Variants in DEUP1 observed in about 807,000 individuals in gnomAD.
DEUP1 encodes the protein deuterosome assembly protein 1, also known as coiled-coil domain containing 67.
DEUP1 carries 82 observed loss-of-function variants against 87.4 expected under a neutral mutation model. The ratio of observed to expected loss-of-function variants is 0.94; its 90% confidence interval spans 0.78 to 1.13. DEUP1 has a LOEUF of 1.13. DEUP1 is among the 50% of genes most tolerant of loss of function. The pLI, the probability that DEUP1 is intolerant of heterozygous loss-of-function variation, is 0.00. For missense variants in DEUP1, 663 were observed against 681.5 expected (o/e 0.97, Z 0.30); for synonymous variants, 214 against 222.7 (o/e 0.96, Z 0.35).
chr11:93,347,203 C>T (rs1176929908), intron 2 of DEUP1, among the ~76,000 whole-genome samples: 1 of 152,094 alleles, frequency 6.6e-6, no homozygotes. Flanking sequence ...TTCCTTGGAA[C>T]CTAGTTTATT....
At position 93,408,140 on chromosome 11, in the gene DEUP1, G is replaced by A. The variant is rs1947335411; in HGVS notation, c.1327-91G>A. ...CCACATCACTTGGCTCAAATGAAAG[G>A]GCCTTTCCAGCACAAGTCTCCAAAC... On this transcript the variant is annotated intron_variant, in intron 11 of 13. Coordinates refer to ENST00000298050, the MANE Select transcript of DEUP1 (RefSeq NM_181645.4). The A allele has an allele frequency of 6.6e-6, 6 of 911,732 alleles. No homozygotes were observed. In the East Asian group the frequency reaches 1.4e-4, roughly 22 times the overall value. The allele number at this position is 911,732 out of a possible 1,614,324, so 56.5% of individuals were successfully genotyped here.
At chr11:93,373,580 T>TACATATATATATATACGTATATATATAC (rs1565316047) in intron 7 of DEUP1, among the ~76,000 whole-genome samples, 1 of 145,192 alleles carries the variant, frequency 6.9e-6, no homozygotes, top group African/African-American at 2.5e-5. Flanking sequence ...CATATATATA[T>TACATATATATATATACGTATATATATAC]ACATATATAT....
intron 2 of DEUP1, among the ~76,000 whole-genome samples, chr11:93,342,609 C>CA (rs1944137981): frequency 6.6e-6 from 1 of 152,156 alleles, no homozygotes; most frequent in African/African-American, 2.4e-5. Context: ...GATTTTGTTA[C>CA]ATGTCCATGC....
At chr11:93,391,600 C>T (rs577978769) in intron 9 of DEUP1, among the ~76,000 whole-genome samples, 30 of 148,934 alleles carry the variant, frequency 2.0e-4, no homozygotes, top group African/African-American at 6.7e-4. Flanking sequence ...CCCAGCTACT[C>T]GGGAGGCTGA....
intron 11 of DEUP1, among the ~76,000 whole-genome samples, chr11:93,407,178 T>C (rs1239028857): frequency 6.6e-6 from 1 of 150,940 alleles, no homozygotes; most frequent in African/African-American, 2.4e-5. Flanking sequence ...GATTTATGTA[T>C]AAGGAAATCA....
chr11:93,362,934 A>T (rs1213245565), intron 4 of DEUP1, among the ~76,000 whole-genome samples: 1 of 151,880 alleles, frequency 6.6e-6, no homozygotes, highest in Non-Finnish European at 1.5e-5. Flanking sequence ...GGCTACTTTA[A>T]TTAATCTGAT....
chr11:93,391,790 C>G (rs977523557), intron 9 of DEUP1, among the ~76,000 whole-genome samples: 1 of 151,082 alleles, frequency 6.6e-6, no homozygotes, highest in South Asian at 2.1e-4. Flanking sequence ...AAAATCCATA[C>G]TGGGACAAAC....
rs370221544 is a variant in DEUP1, at chr11:93,378,628, T to G, written c.790-6770T>G. Reference sequence around the variant, plus strand: ...CCATTGCTGGCGAGCTAGTGTGATCTTTCAGGGTTGCTGAAGAACCTTGTT... The same window carrying G: ...CCATTGCTGGCGAGCTAGTGTGATCGTTCAGGGTTGCTGAAGAACCTTGTT... On this transcript the variant is annotated intron_variant, in intron 7 of 13. Coordinates refer to ENST00000298050, the MANE Select transcript of DEUP1 (RefSeq NM_181645.4). Among the ~76,000 whole-genome samples, 9 of 152,294 alleles carry G rather than the reference T, an allele frequency of 5.9e-5. No homozygotes were observed. In the East Asian group the frequency reaches 1.7e-3, roughly 29 times the overall value.
In DEUP1 at chr11:93,339,306, G is replaced by A. The variant is rs138581374; in HGVS notation, c.29+7018G>A. ...CGTGGAGTAACTATACCTATAATCT[G>A]TACAAATGCTAGAGTACAAGATGAG... On this transcript the variant is annotated intron_variant, in intron 2 of 13. Coordinates refer to ENST00000298050, the MANE Select transcript of DEUP1 (RefSeq NM_181645.4). Among the ~76,000 whole-genome samples, 47 of 152,268 alleles carry A rather than the reference G, an allele frequency of 3.1e-4. No individual in the cohort carries two copies. The East Asian group carries it at 3.1e-3, about 10-fold the overall frequency.
intron 7 of DEUP1, among the ~76,000 whole-genome samples, chr11:93,372,616 G>C (rs142459737): frequency 1.3e-5 from 2 of 152,232 alleles, no homozygotes; most frequent in East Asian, 3.9e-4. Context: ...CCCATGCTTG[G>C]TAAGGGACAG....
chr11:93,360,905 C>CAAAAAAAAAAAAAAAAAAAAAAAAAA (rs35572726), intron 4 of DEUP1, among the ~76,000 whole-genome samples: 1 of 82,410 alleles, frequency 1.2e-5, no homozygotes, highest in Non-Finnish European at 2.5e-5. Context: ...CAAAACTTAG[C>CAAAAAAAAAAAAAAAAAAAAAAAAAA]AAAAAAAAAA....
intron 12 of DEUP1, among the ~76,000 whole-genome samples, chr11:93,409,187 A>G (rs1947365438): frequency 6.6e-6 from 1 of 152,206 alleles, no homozygotes; most frequent in Non-Finnish European, 1.5e-5. Context: ...ACATTCTAGC[A>G]GTGGCAACAA....
chr11:93,383,716 A>T (rs986463223), intron 7 of DEUP1: 1 of 525,966 alleles, frequency 1.9e-6, no homozygotes, highest in South Asian at 3.0e-5. Context: ...TGAACAAACA[A>T]TTTTTTAAAA....
intron 11 of DEUP1, among the ~76,000 whole-genome samples, chr11:93,401,164 A>G (rs984868960): frequency 6.6e-6 from 1 of 152,188 alleles, no homozygotes; most frequent in Non-Finnish European, 1.5e-5. Flanking sequence ...ATAATCTGAA[A>G]AAGAAATCAA....
At position 93,437,752 on chromosome 11, in the gene DEUP1, C is replaced by G. The variant is rs10676823; in HGVS notation, c.*33C>G. ...AACTTTTTTATTTGCTTCCCCCCCC[C>G]ACCCCCGCCAAGAAAAAAAGCTCTG... On this transcript the variant is annotated 3_prime_UTR_variant, in exon 14 of 14. Transcript: ENST00000298050. 51 of 1,052,812 alleles carry G rather than the reference C, an allele frequency of 4.8e-5. No homozygotes were observed. Among genetic ancestry groups the G allele is most frequent in the Admixed American group, 4.1e-4 (18 of 43,896 alleles). 65.2% of individuals were successfully genotyped at this position (1,052,812 alleles called of 1,614,324 possible). A position where few individuals can be genotyped will look rare whatever the true frequency, so the allele number is the denominator to read the frequency against.
chr11:93,363,303 G>A (rs1197718417), intron 4 of DEUP1, among the ~76,000 whole-genome samples: 1 of 151,820 alleles, frequency 6.6e-6, no homozygotes, highest in Non-Finnish European at 1.5e-5. Context: ...CTAGATTGTG[G>A]TTGTGGTCAG....
intron 11 of DEUP1, among the ~76,000 whole-genome samples, chr11:93,398,718 CA>C (rs1947016576): frequency 6.9e-6 from 1 of 145,652 alleles, no homozygotes; most frequent in African/African-American, 2.5e-5. Context: ...TTTTTCATGT[CA>C]AATTTTTTTT....
At chr11:93,383,486 G>C (rs1350424315) in intron 7 of DEUP1, 14 of 555,682 alleles carry the variant, frequency 2.5e-5, no homozygotes, top group Non-Finnish European at 4.5e-5. Context: ...GGGAGTGACT[G>C]TTAATGAGTA....
intron 11 of DEUP1, 114 bp downstream of exon 11, chr11:93,396,439 G>A: frequency 3.2e-6 from 2 of 629,018 alleles, no homozygotes; most frequent in South Asian, 2.5e-5. Context: ...AAGGAGTTGG[G>A]TGGTAAATTA....
Sources: allele counts gnomAD v4.1 joint callset (sites outside exome capture counted in the v4.1 genomes callset), GRCh38; gene constraint gnomAD v4.1.1; transcripts MANE v1.5; gene names NCBI Gene and HGNC (gene_info 2026-07-23, HGNC 2026-07-21).